Variants in PCDHA6 observed in about 807,000 individuals in gnomAD.
PCDHA6 encodes the protein protocadherin alpha 6, also known as protocadherin alpha-6.
Under a neutral mutation model 60.3 loss-of-function variants are expected in PCDHA6, and 55 were observed. The ratio of observed to expected loss-of-function variants is 0.91; its 90% CI spans 0.73 to 1.14. PCDHA6 has a LOEUF of 1.14. Among genes scored for constraint, PCDHA6 ranks in the 50% most tolerant of loss-of-function variants. The pLI, the probability that PCDHA6 is intolerant of heterozygous loss-of-function variation, is 0.00. For missense variants in PCDHA6, 1,327 were observed against 1,256.5 expected (o/e 1.06, Z -0.85); for synonymous variants, 652 against 557.9 (o/e 1.17, Z -2.38).
In PCDHA6 at chr5:140,829,286, T is replaced by C. The variant is rs2150165207; in HGVS notation, c.1195T>C (p.Ser399Pro). 13 of 1,614,254 alleles carry C rather than the reference T, an allele frequency of 8.1e-6. No individual in the cohort carries two copies. The African/African-American group carries it at 1.3e-4, about 17-fold the overall frequency. ...LTPHVPFKLV[S>P]TFKNYYSLVL... ...GCCTCACGTCCCTTTCAAGCTGGTG[T>C]CCACCTTCAAGAATTACTACTCGTT... is the stretch of plus-strand genomic sequence containing the variant. The change falls in exon 1 of 4, where the codon TCC (serine) becomes CCC (proline). Residue 399 changes from serine to proline, a missense_variant. Ser to Pro is a moderately conservative substitution (Grantham distance 74, BLOSUM62 -1). Transcript: ENST00000529310.
Position 140,877,703 on chromosome 5 carries a change from C to T in PCDHA6, c.2394+47218C>T, listed in dbSNP as rs781946062. On this transcript the variant is annotated intron_variant, in intron 1 of 3. Coordinates refer to ENST00000529310, the MANE Select transcript of PCDHA6 (RefSeq NM_018909.4). ...AAGCCCACGCTGGTGTGCTCCAGCG[C>T]CGTGGGGAGTTGGTCTTACTCGCAG... 4 of 1,613,986 alleles carry T rather than the reference C, an allele frequency of 2.5e-6. No individual in the cohort carries two copies. In the East Asian group the frequency reaches 8.9e-5, roughly 36 times the overall value.
intron 1 of PCDHA6, among the ~76,000 whole-genome samples, chr5:140,914,030 G>A (rs2076568173): frequency 1.3e-5 from 2 of 152,180 alleles, no homozygotes; most frequent in South Asian, 4.1e-4. Flanking sequence ...CACGTGCTGA[G>A]AAGAATGTGT....
chr5:140,967,487 G>C, intron 1 of PCDHA6: 8 of 1,613,290 alleles, frequency 5.0e-6, no homozygotes, highest in Non-Finnish European at 6.8e-6. Context: ...CTCGGGTACG[G>C]CACAGATCTC....
chr5:140,977,872 T>A (rs1554238851), intron 1 of PCDHA6, among the ~76,000 whole-genome samples: 1 of 152,258 alleles, frequency 6.6e-6, no homozygotes, highest in African/African-American at 2.4e-5. Flanking sequence ...ATGGTAAGTA[T>A]AATGTAGAGG....
chr5:140,876,077 G>C, intron 1 of PCDHA6: 4 of 1,613,956 alleles, frequency 2.5e-6, no homozygotes, highest in Non-Finnish European at 3.4e-6. Flanking sequence ...TTATTGGACA[G>C]AGAGCAAACG....
At chr5:140,875,377 A>G in intron 1 of PCDHA6, 1 of 1,457,802 alleles carries the variant, frequency 6.9e-7, no homozygotes, top group Non-Finnish European at 9.0e-7. Context: ...TTTACTAAAT[A>G]TGTACTTACA....
chr5:140,903,540 A>G (rs531687543), intron 1 of PCDHA6, among the ~76,000 whole-genome samples: 46 of 152,352 alleles, frequency 3.0e-4, no homozygotes, highest in African/African-American at 9.9e-4. Flanking sequence ...AACTAGAGCA[A>G]GAAACTTTTC....
At chr5:140,881,944 A>C in intron 1 of PCDHA6, 1 of 302,118 alleles carries the variant, frequency 3.3e-6, no homozygotes, top group East Asian at 5.9e-5. Flanking sequence ...GTTTCTGGGA[A>C]GGTAAACATT....
intron 1 of PCDHA6, chr5:140,864,334 G>T (rs1303822617): frequency 6.6e-6 from 1 of 152,076 alleles, no homozygotes; most frequent in Non-Finnish European, 1.5e-5. Flanking sequence ...AATTATTTGA[G>T]TTTAAAACAT....
chr5:140,949,992 G>A (rs2094439293), intron 1 of PCDHA6, among the ~76,000 whole-genome samples: 1 of 151,522 alleles, frequency 6.6e-6, no homozygotes, highest in African/African-American at 2.4e-5. Flanking sequence ...ACTTTTCTCA[G>A]TCCACTTAAT....
At chr5:140,922,993 T>A (rs2081107625) in intron 1 of PCDHA6, among the ~76,000 whole-genome samples, 1 of 152,054 alleles carries the variant, frequency 6.6e-6, no homozygotes, top group Non-Finnish European at 1.5e-5. Context: ...AGGCAAGCCA[T>A]GAGAATGGTT....
Position 140,841,742 on chromosome 5 carries a change from T to G in PCDHA6, c.2394+11257T>G, listed in dbSNP as rs2150322045. On this transcript the variant is annotated intron_variant, in intron 1 of 3. Transcript: ENST00000529310. ...GTTCCGGGTAAAAGACCAAAAGCTG[T>G]TTGTTTCAGAATCCAGAATGCCAGA... 8 of 1,613,830 alleles carry G rather than the reference T, an allele frequency of 5.0e-6. 1 individual carries two copies. In the South Asian group the frequency reaches 8.8e-5, roughly 18 times the overall value.
intron 1 of PCDHA6, among the ~76,000 whole-genome samples, chr5:140,958,932 C>T (rs2095452700): frequency 8.5e-6 from 1 of 118,160 alleles, no homozygotes; most frequent in South Asian, 2.5e-4. Flanking sequence ...GTGGCTCATA[C>T]TTGTAATAAT....
Position 140,855,963 on chromosome 5 carries a change from A to T in PCDHA6, c.2394+25478A>T, listed in dbSNP as rs1291137660. The stretch of plus-strand genomic sequence containing the variant: ...TCTCAGCCATTTCGATAAAAAATAG[A>T]TATAAGAAATAGGACAGAAAATGTC... On this transcript the variant is annotated intron_variant, in intron 1 of 3. Transcript: ENST00000529310. The T allele has an allele frequency of 2.8e-6, 4 of 1,404,280 alleles. No individual in the cohort carries two copies. In the African/African-American group the frequency reaches 5.7e-5, roughly 20 times the overall value. The allele number at this position is 1,404,280 out of a possible 1,614,324, so 87.0% of individuals were successfully genotyped here. A position where few individuals can be genotyped will look rare whatever the true frequency, so the allele number is the denominator to read the frequency against.
At chr5:140,908,179 C>T (rs1158845408) in intron 1 of PCDHA6, among the ~76,000 whole-genome samples, 1 of 152,194 alleles carries the variant, frequency 6.6e-6, no homozygotes, top group Non-Finnish European at 1.5e-5. Context: ...CAGCTGTCCA[C>T]TTTCAGGTGG....
Position 140,841,649 on chromosome 5 carries a change from G to C in PCDHA6, c.2394+11164G>C, listed in dbSNP as rs2150320047. On this transcript the variant is annotated intron_variant, in intron 1 of 3. Transcript: ENST00000529310. ...GTGCAGCATCCACCTGGAGGTGATC[G>C]TGGACAGGCCGCTGCAGGTTTTCCA... 3.1e-6 allele frequency: 5 copies of C among 1,614,050 alleles called. No homozygotes were observed. The South Asian group carries it at 4.4e-5, about 14-fold the overall frequency.
In PCDHA6 at chr5:140,995,948, C is replaced by T. The variant is rs143431693; in HGVS notation, c.2542+13385C>T. Among the ~76,000 whole-genome samples the T allele has an allele frequency of 4.7e-3, 711 of 152,264 alleles. 7 individuals carry two copies. The highest frequency in any genetic ancestry group is 0.016 in the African/African-American group (645 of 41,554). ...TGTAAGTATTAAATGACATAATGCA[C>T]GCAAAATGCTTAGAACCATGCTTAG... On this transcript the variant is annotated intron_variant, in intron 3 of 3. Transcript: ENST00000529310.
In PCDHA6 at chr5:141,009,679, C is replaced by T; in HGVS notation, c.2595C>T (p.Asn865=). 1.2e-6 allele frequency: 2 copies of T among 1,614,116 alleles called. No individual in the cohort carries two copies. The highest frequency in any genetic ancestry group is 8.5e-7 in the Non-Finnish European group (1 of 1,180,026). The part of the protein sequence containing the change: ...SPPVGAGVNS[N]SWTFKYGPGN... ...CAGTCGGTGCGGGTGTCAACAGCAA[C>T]AGCTGGACCTTTAAATACGGACCAG... The change falls in exon 4 of 4, where the codon AAC becomes AAT. Residue 865 remains asparagine (N), a synonymous_variant. Coordinates refer to ENST00000529310, the MANE Select transcript of PCDHA6 (RefSeq NM_018909.4).
At chr5:140,875,254 T>A in intron 1 of PCDHA6, 1 of 1,054,680 alleles carries the variant, frequency 9.5e-7, no homozygotes, top group Non-Finnish European at 1.3e-6. Context: ...ATCAGTCACA[T>A]GATGTCGCTC....
Sources: allele counts gnomAD v4.1 joint callset (sites outside exome capture counted in the v4.1 genomes callset), GRCh38; gene constraint gnomAD v4.1.1; transcripts MANE v1.5; gene names NCBI Gene and HGNC (gene_info 2026-07-23, HGNC 2026-07-21).